Variants in REV3L observed in about 807,000 individuals in gnomAD.
REV3L encodes the protein REV3 like, DNA directed polymerase zeta catalytic subunit.
In REV3L, 69 loss-of-function variants were observed where a neutral mutation model predicts 299.4. The ratio of observed to expected loss-of-function variants is 0.23; its 90% CI spans 0.19 to 0.28. REV3L has a LOEUF of 0.28. Ranked by LOEUF, REV3L falls within the 10% of genes least tolerant of loss-of-function variation. The probability of loss-of-function intolerance (pLI) is 1.00; values close to 1 mark genes in which losing one functional copy is unlikely to be tolerated. For missense variants in REV3L, 3,128 were observed against 3,693.8 expected, an observed-to-expected ratio of 0.85 and a Z score of 3.97; for synonymous variants, 1,238 against 1,271.4, an observed-to-expected ratio of 0.97 and a Z score of 0.56.
chr6:111,467,520 T>A (rs1256439204), intron 1 of REV3L, among the ~76,000 whole-genome samples: 1 of 152,236 alleles, frequency 6.6e-6, no homozygotes, highest in Non-Finnish European at 1.5e-5. Flanking sequence ...TGGCCCTCCA[T>A]ATCTGTGGGT....
intron 1 of REV3L, among the ~76,000 whole-genome samples, chr6:111,479,901 T>C (rs1272353755): frequency 6.6e-6 from 1 of 152,212 alleles, no homozygotes; most frequent in Non-Finnish European, 1.5e-5. Flanking sequence ...ATTTCTTAAA[T>C]TACTCAAGAT....
chr6:111,427,357 T>A (rs1786299096), intron 1 of REV3L, among the ~76,000 whole-genome samples: 1 of 152,170 alleles, frequency 6.6e-6, no homozygotes, highest in Admixed American at 6.5e-5. Flanking sequence ...GACTTGTATC[T>A]AGAACAAACA....
At chr6:111,392,581 G>A (rs1782045193) in intron 5 of REV3L, 1 of 192,050 alleles carries the variant, frequency 5.2e-6, no homozygotes, top group South Asian at 1.7e-4. Context: ...TACTTGACAA[G>A]TTATAGGATA....
intron 19 of REV3L, among the ~76,000 whole-genome samples, 173 bp from the exon 20 acceptor site, chr6:111,349,509 CCTT>C (rs1394519977): frequency 6.6e-6 from 1 of 152,166 alleles, no homozygotes; most frequent in Non-Finnish European, 1.5e-5. Flanking sequence ...CTCCCTCCCT[CCTT>C]CTTTCTATAT....
intron 21 of REV3L, among the ~76,000 whole-genome samples, chr6:111,339,370 T>C (rs959207223): frequency 1.3e-5 from 2 of 152,044 alleles, no homozygotes; most frequent in African/African-American, 4.8e-5. Flanking sequence ...TTTGGCCAAA[T>C]AAACGAAAAC....
chr6:111,362,759 C>G (rs1023881367), intron 16 of REV3L, among the ~76,000 whole-genome samples: 1 of 152,152 alleles, frequency 6.6e-6, no homozygotes, highest in Non-Finnish European at 1.5e-5. Context: ...AATACTTGAT[C>G]TGTAATTTCA....
intron 5 of REV3L, 24 bp from the exon 6 acceptor site, chr6:111,390,204 CATA>C (rs1562240591): frequency 1.4e-6 from 2 of 1,414,204 alleles, no homozygotes; most frequent in South Asian, 1.2e-5. Context: ...ATATAAAAAA[CATA>C]ATAATTATGT....
intron 1 of REV3L, among the ~76,000 whole-genome samples, chr6:111,434,773 T>C (rs1416839211): frequency 6.9e-6 from 1 of 144,790 alleles, no homozygotes. Context: ...GAATAGAAAA[T>C]ATCTAAGAAT....
Position 111,392,977 on chromosome 6 carries a change from G to T in REV3L, c.566-5C>A. On this transcript the variant is annotated splice_polypyrimidine_tract_variant and splice_region_variant and intron_variant, in intron 4 of 31. Transcript: ENST00000368802. ...CAGTTGCATGCAATGTATTACCTAG[G>T]AATAGAAAGGTAAAAGGAATAAATT... 1 of 1,547,512 alleles carries T rather than the reference G, an allele frequency of 6.5e-7. No homozygotes were observed. The highest frequency in any genetic ancestry group is 8.9e-7 in the Non-Finnish European group (1 of 1,120,856).
chr6:111,376,619 C>A lies in REV3L; in HGVS notation c.1736G>T (p.Cys579Phe). ...PSSSAKITFQ[C>F]KHTSALSSHV... ...GGAAGAAAGGGCACTTGTGTGTTTACACTGAAAGGTAATCTTAGCAGAAGA... is the reference window on the plus strand; with the variant it reads ...GGAAGAAAGGGCACTTGTGTGTTTAAACTGAAAGGTAATCTTAGCAGAAGA... The change falls in exon 13 of 32, where the codon TGT (cysteine) becomes TTT (phenylalanine). Residue 579 changes from cysteine to phenylalanine, a missense_variant. This residue lies in a region of REV3L where 2,409 missense variants were observed against 2,611.8 expected (regional missense o/e 0.92). Coordinates refer to ENST00000368802, the MANE Select transcript of REV3L (RefSeq NM_001372078.1). The A allele has an allele frequency of 6.2e-7, 1 of 1,613,274 alleles. No individual in the cohort carries two copies. Among genetic ancestry groups the A allele is most frequent in the Non-Finnish European group, 8.5e-7 (1 of 1,179,870 alleles).
At chr6:111,470,172 T>TCTCACACA (rs1792009380) in intron 1 of REV3L, among the ~76,000 whole-genome samples, 1 of 90,538 alleles carries the variant, frequency 1.1e-5, no homozygotes, top group Non-Finnish European at 2.1e-5. Flanking sequence ...GTTTACTATC[T>TCTCACACA]CTCACACACA....
chr6:111,461,623 A>G (rs1199483773), intron 1 of REV3L, among the ~76,000 whole-genome samples: 1 of 152,174 alleles, frequency 6.6e-6, no homozygotes, highest in Non-Finnish European at 1.5e-5. Flanking sequence ...GTGTATGACA[A>G]CAAAAACATA....
At chr6:111,430,488 A>G in intron 1 of REV3L, 1 of 1,548,908 alleles carries the variant, frequency 6.5e-7, no homozygotes, top group Non-Finnish European at 8.9e-7. Context: ...TAAAGCTGCA[A>G]AGAAGCGGTT....
At chr6:111,368,771 C>T (rs1247319834) in intron 13 of REV3L, among the ~76,000 whole-genome samples, 3 of 152,174 alleles carry the variant, frequency 2.0e-5, no homozygotes, top group Admixed American at 1.3e-4. Context: ...CTGCTTACTA[C>T]AGCAACATAA....
chr6:111,412,389 G>GATCCTCCTGAAAT, intron 2 of REV3L: 1 of 362,120 alleles, frequency 2.8e-6, no homozygotes, highest in Non-Finnish European at 3.8e-6. Context: ...CATCATTTCA[G>GATCCTCCTGAAAT]GAGGATCTGA....
At chr6:111,354,439 C>T (rs1204574277) in intron 18 of REV3L, among the ~76,000 whole-genome samples, 1 of 151,934 alleles carries the variant, frequency 6.6e-6, no homozygotes, top group Non-Finnish European at 1.5e-5. Flanking sequence ...AAAAAGTTAC[C>T]CTGCGCTTCT....
intron 1 of REV3L, 133 bp from the exon 2 acceptor site, chr6:111,416,605 T>C (rs1159439666): frequency 1.5e-6 from 1 of 664,342 alleles, no homozygotes; most frequent in East Asian, 2.7e-5. Context: ...AATTAACCCA[T>C]AGTTCAAAGT....
At chr6:111,431,052 T>G in intron 1 of REV3L, 1 of 1,525,288 alleles carries the variant, frequency 6.6e-7, no homozygotes, top group East Asian at 2.3e-5. Context: ...ACAGTTCTTA[T>G]GCACCGCATT....
At chr6:111,350,033 G>A (rs1171667654) in intron 19 of REV3L, among the ~76,000 whole-genome samples, 1 of 152,072 alleles carries the variant, frequency 6.6e-6, no homozygotes, top group Non-Finnish European at 1.5e-5. Flanking sequence ...GATGATTAGA[G>A]GTTCCAGAAT....
Sources: gnomAD v4.1 joint callset for allele counts (sites outside exome capture counted in the v4.1 genomes callset) on GRCh38, gnomAD v4.1.1 for gene constraint, gnomAD v4.1.1 regional missense constraint, MANE v1.5 for transcripts, NCBI Gene and HGNC (gene_info 2026-07-23, HGNC 2026-07-21) for gene names.